ADCY2: variants seen among roughly 807,000 people sequenced by gnomAD.
The protein encoded by ADCY2 is adenylate cyclase type 2.
In ADCY2, 31 loss-of-function variants were observed where a neutral mutation model predicts 125.2. That is an observed-to-expected ratio of 0.25 (90% CI 0.19 to 0.33). The LOEUF is 0.33. Among genes scored for constraint, ADCY2 ranks in the 10% least tolerant of loss-of-function variants. ADCY2 has a pLI of 1.00. For missense variants in ADCY2, 904 were observed against 1,418.2 expected, an observed-to-expected ratio of 0.64 and a Z score of 5.82; for synonymous variants, 512 against 548.4, an observed-to-expected ratio of 0.93 and a Z score of 0.93.
chr5:7,587,858 G>T (rs1484161940), intron 3 of ADCY2, among the ~76,000 whole-genome samples: 2 of 152,162 alleles, frequency 1.3e-5, no homozygotes, highest in African/African-American at 4.8e-5. Flanking sequence ...GGGTTCAGCT[G>T]CCAGAAGTCT....
intron 22 of ADCY2, among the ~76,000 whole-genome samples, chr5:7,812,159 G>A (rs1561029488): frequency 6.6e-6 from 1 of 152,130 alleles, no homozygotes; most frequent in African/African-American, 2.4e-5. Flanking sequence ...AAAACTAATA[G>A]CCCCAGTTCC....
At chr5:7,630,356 G>T (rs1341058036) in intron 4 of ADCY2, among the ~76,000 whole-genome samples, 1 of 152,142 alleles carries the variant, frequency 6.6e-6, no homozygotes, top group East Asian at 1.9e-4. Flanking sequence ...TGTTTTGCAA[G>T]GTGAAGAGTT....
chr5:7,658,542 C>T (rs1015181534), intron 4 of ADCY2, among the ~76,000 whole-genome samples: 2 of 151,904 alleles, frequency 1.3e-5, no homozygotes, highest in African/African-American at 4.8e-5. Flanking sequence ...GCCTCAGCCT[C>T]CCGAGTAGCT....
At chr5:7,784,881 A>G (rs1744036434) in intron 19 of ADCY2, among the ~76,000 whole-genome samples, 1 of 152,134 alleles carries the variant, frequency 6.6e-6, no homozygotes, top group African/African-American at 2.4e-5. Context: ...ATTTGCAATC[A>G]TTCCTAGAAA....
chr5:7,688,269 T>G (rs1323183862), intron 4 of ADCY2, among the ~76,000 whole-genome samples: 1 of 80,286 alleles, frequency 1.2e-5, no homozygotes, highest in Non-Finnish European at 2.2e-5. Flanking sequence ...CTGATTTTTT[T>G]TGTTGTTTTT....
At chr5:7,776,074 T>A (rs1435471076) in intron 18 of ADCY2, among the ~76,000 whole-genome samples, 2 of 152,120 alleles carry the variant, frequency 1.3e-5, no homozygotes, top group Admixed American at 6.5e-5. Flanking sequence ...GTCAATGTTT[T>A]CTTTCTCTTT....
chr5:7,718,721 C>T (rs535423019), intron 12 of ADCY2, among the ~76,000 whole-genome samples: 1 of 152,234 alleles, frequency 6.6e-6, no homozygotes, highest in South Asian at 2.1e-4. Flanking sequence ...CTGGCAGCAC[C>T]AGGGCCAATG....
chr5:7,813,572 T>C (rs1196212195), intron 22 of ADCY2, among the ~76,000 whole-genome samples: 1 of 152,214 alleles, frequency 6.6e-6, no homozygotes, highest in Non-Finnish European at 1.5e-5. Flanking sequence ...GAGAAATAAC[T>C]GCTTCATACT....
chr5:7,556,996 G>A (rs1027133644), intron 3 of ADCY2, among the ~76,000 whole-genome samples: 1 of 151,910 alleles, frequency 6.6e-6, no homozygotes, highest in African/African-American at 2.4e-5. Context: ...GATGATTTTA[G>A]TTCACTAAAA....
intron 22 of ADCY2, among the ~76,000 whole-genome samples, chr5:7,812,436 A>G (rs1380104298): frequency 1.3e-5 from 2 of 152,198 alleles, no homozygotes; most frequent in East Asian, 1.9e-4. Context: ...GTAAGAGGGA[A>G]AAGTACCACA....
chr5:7,645,963 A>C (rs2126677854), intron 4 of ADCY2, among the ~76,000 whole-genome samples: 1 of 152,366 alleles, frequency 6.6e-6, no homozygotes, highest in Admixed American at 6.5e-5. Flanking sequence ...TTATATGCGA[A>C]GTCAAACTAC....
At chr5:7,717,301 T>C in intron 12 of ADCY2, 64 bp downstream of exon 12, 2 of 1,216,680 alleles carry the variant, frequency 1.6e-6, no homozygotes, top group Non-Finnish European at 2.4e-6. Context: ...TATTTTATCA[T>C]GGGCTCTGCA....
At chr5:7,635,548 AG>A (rs1738469784) in intron 4 of ADCY2, among the ~76,000 whole-genome samples, 1 of 152,174 alleles carries the variant, frequency 6.6e-6, no homozygotes, top group South Asian at 2.1e-4. Context: ...GGTAAGGTAC[AG>A]TAGAAATCCA....
intron 4 of ADCY2, among the ~76,000 whole-genome samples, chr5:7,646,037 C>T (rs1398135143): frequency 3.9e-5 from 6 of 152,002 alleles, no homozygotes; most frequent in African/African-American, 9.7e-5. Context: ...ATGCAACTTC[C>T]GCACATCTAT....
At chr5:7,679,452 T>C (rs1003858963) in intron 4 of ADCY2, among the ~76,000 whole-genome samples, 3 of 152,148 alleles carry the variant, frequency 2.0e-5, no homozygotes, top group African/African-American at 7.2e-5. Context: ...GCTTCCCATT[T>C]TAGAAAGACC....
At chr5:7,649,753 A>G (rs765560015) in intron 4 of ADCY2, among the ~76,000 whole-genome samples, 24 of 152,240 alleles carry the variant, frequency 1.6e-4, no homozygotes, top group Non-Finnish European at 2.6e-4. Flanking sequence ...ACTGCTTAGT[A>G]TAGTCTTCAT....
At chr5:7,820,784 C>G in intron 24 of ADCY2, 95 bp downstream of exon 24, 1 of 1,372,632 alleles carries the variant, frequency 7.3e-7, no homozygotes, top group Non-Finnish European at 9.5e-7. Context: ...TATATTAAAA[C>G]AAAGGAAAAA....
intron 2 of ADCY2, among the ~76,000 whole-genome samples, chr5:7,423,347 G>A (rs1740279412): frequency 6.6e-6 from 1 of 150,576 alleles, no homozygotes; most frequent in East Asian, 2.0e-4. Flanking sequence ...GATGTGGTTT[G>A]GCTCTTTCCC....
chr5:7,824,350 T>C (rs1177854639), intron 24 of ADCY2, among the ~76,000 whole-genome samples: 1 of 152,158 alleles, frequency 6.6e-6, no homozygotes, highest in African/African-American at 2.4e-5. Flanking sequence ...CGGTTTCCCA[T>C]TAATCATGCG....
Sources: gnomAD v4.1 joint callset for allele counts (sites outside exome capture counted in the v4.1 genomes callset) on GRCh38, gnomAD v4.1.1 for gene constraint, MANE v1.5 for transcripts, NCBI Gene and HGNC (gene_info 2026-07-23, HGNC 2026-07-21) for gene names.